Variants in FAM83G observed in about 807,000 individuals in gnomAD.
FAM83G encodes protein FAM83G.
Under a neutral mutation model 61.5 loss-of-function variants are expected in FAM83G, and 38 were observed. The observed-to-expected ratio is 0.62, with a 90% CI of 0.48 to 0.81. The LOEUF (loss-of-function observed/expected upper bound fraction) is 0.81. Among genes scored for constraint, FAM83G ranks in the 30% least tolerant of loss-of-function variants. The pLI, the probability that FAM83G is intolerant of heterozygous loss-of-function variation, is 0.00. For synonymous variants in FAM83G, 470 were observed against 476.1 expected (o/e 0.99, Z 0.17); for missense variants, 989 against 1,133.6 (o/e 0.87, Z 1.83).
rs751981629 is a variant in FAM83G, at chr17:18,971,448, G to A, written c.2383C>T (p.His795Tyr). 6.9e-5 allele frequency: 111 copies of A among 1,613,902 alleles called. No individual in the cohort carries two copies. Among genetic ancestry groups the A allele is most frequent in the Middle Eastern group, 4.9e-4 (3 of 6,062 alleles). ...IPYSKLSQSK[H>Y]LKARTGGSQW... is the part of the protein sequence containing the mutation. The stretch of plus-strand genomic sequence containing the variant: ...CTACCGCCCGTCCTGGCCTTTAGGT[G>A]CTTCGACTGAGACAGTTTGGAGTAT... The change falls in exon 6 of 6, where the codon CAC (histidine) becomes TAC (tyrosine). Residue 795 changes from histidine to tyrosine, a missense_variant. Physicochemically the swap from His to Tyr is moderately conservative, Grantham distance 83 (BLOSUM62 2). Transcript: ENST00000388995. This position sits in a 1 kb window ranked among gnomAD's most constrained non-coding sequence, Gnocchi z 5.5.
chr17:18,976,996 C>A, intron 5 of FAM83G: 1 of 1,611,098 alleles, frequency 6.2e-7, no homozygotes, highest in Non-Finnish European at 8.5e-7. Context: ...CCAGGTAGGA[C>A]GGGCTCCGGG....
At chr17:18,977,231 C>G (rs1170439607) in intron 5 of FAM83G, 1 of 611,312 alleles carries the variant, frequency 1.6e-6, no homozygotes, top group Non-Finnish European at 2.8e-6. Context: ...ATGAACGTCC[C>G]TGTGCCCCGC....
Position 18,970,812 on chromosome 17 carries a change from T to C in FAM83G, c.*547A>G, listed in dbSNP as rs1031323970. On this transcript the variant is annotated 3_prime_UTR_variant, in exon 6 of 6. Coordinates refer to ENST00000388995, the MANE Select transcript of FAM83G (RefSeq NM_001039999.3). ...TTAATAGTATTATTTTAAATACGAATAAAATAGTCATTCAAATACACCTTA... is the reference window on the plus strand; with the variant it reads ...TTAATAGTATTATTTTAAATACGAACAAAATAGTCATTCAAATACACCTTA... 9 of 590,194 alleles carry C rather than the reference T, an allele frequency of 1.5e-5. No homozygotes were observed. Among genetic ancestry groups the C allele is most frequent in the South Asian group, 6.2e-5 (3 of 48,122 alleles). 36.6% of individuals were successfully genotyped at this position (590,194 alleles called of 1,614,324 possible).
At chr17:18,993,428 C>G (rs896227030) in intron 2 of FAM83G, among the ~76,000 whole-genome samples, 1 of 152,190 alleles carries the variant, frequency 6.6e-6, no homozygotes, top group Non-Finnish European at 1.5e-5. Context: ...TCGCAAGACT[C>G]GGGTAAGAGG....
chr17:18,988,459 G>C (rs554281886), intron 2 of FAM83G, 45 bp from the exon 3 acceptor site: 33 of 1,600,830 alleles, frequency 2.1e-5, no homozygotes, highest in Admixed American at 3.3e-5. Context: ...CAGTGCAGCA[G>C]TGGGGACAGG....
At chr17:18,998,836 G>A (rs528892284) in intron 2 of FAM83G, among the ~76,000 whole-genome samples, 4 of 152,328 alleles carry the variant, frequency 2.6e-5, no homozygotes, top group East Asian at 3.9e-4. Context: ...CTGGCAGTGT[G>A]GGGAGCTGTC....
intron 5 of FAM83G, among the ~76,000 whole-genome samples, chr17:18,974,993 T>A (rs2042943936): frequency 6.6e-6 from 1 of 152,188 alleles, no homozygotes; most frequent in Non-Finnish European, 1.5e-5. Flanking sequence ...TCACAGCTCA[T>A]GGAAACTCTG....
In FAM83G at chr17:18,996,512, A is replaced by G. The variant is rs1677029505; in HGVS notation, c.522+7008T>C. Among the ~76,000 whole-genome samples the G allele has an allele frequency of 1.3e-5, 2 of 151,880 alleles. No individual in the cohort carries two copies. Among genetic ancestry groups the G allele is most frequent in the South Asian group, 4.2e-4 (2 of 4,806 alleles). On this transcript the variant is annotated intron_variant, in intron 2 of 5. Coordinates refer to ENST00000388995, the MANE Select transcript of FAM83G (RefSeq NM_001039999.3). The surrounding 1 kb of genome is among the most constrained non-coding windows in gnomAD (Gnocchi z 4.4). ...AATCTCCAAACCAGTTTGCCCATAT[A>G]ATGTCTCTGAAAGTCTGTCACCGAG...
rs111321066 is a variant in FAM83G, at chr17:18,970,752, C to T, written c.*607G>A. ...CCAACAGTGACTCCTGCTGGGCCAG[C>T]GGGACACTGGGGTGCCCATGTGCAA... On this transcript the variant is annotated 3_prime_UTR_variant, in exon 6 of 6. Coordinates refer to ENST00000388995, the MANE Select transcript of FAM83G (RefSeq NM_001039999.3). 4.0e-4 allele frequency: 198 copies of T among 495,310 alleles called. No individual in the cohort carries two copies. The highest frequency in any genetic ancestry group is 3.3e-3 in the African/African-American group (173 of 51,862). 30.7% of individuals were successfully genotyped at this position (495,310 alleles called of 1,614,324 possible).
intron 3 of FAM83G, among the ~76,000 whole-genome samples, chr17:18,987,052 C>T (rs2152128410): frequency 6.6e-6 from 1 of 152,342 alleles, no homozygotes. Flanking sequence ...CTTGAAAGGA[C>T]TCAACCGGAG....
intron 3 of FAM83G, among the ~76,000 whole-genome samples, chr17:18,987,406 A>C (rs1301570647): frequency 6.6e-6 from 1 of 152,232 alleles, no homozygotes; most frequent in African/African-American, 2.4e-5. Context: ...ATGCAAGAGA[A>C]GTATTCGCCG....
At chr17:18,981,579 C>T (rs542854815) in intron 3 of FAM83G, among the ~76,000 whole-genome samples, 1 of 152,260 alleles carries the variant, frequency 6.6e-6, no homozygotes, top group Non-Finnish European at 1.5e-5. Flanking sequence ...AGCCTCCTGC[C>T]CTGCCAGTCC....
At chr17:18,977,069 A>G (rs1413626281) in intron 5 of FAM83G, 2 of 1,574,634 alleles carry the variant, frequency 1.3e-6, no homozygotes, top group East Asian at 2.2e-5. Context: ...CGTCACCAGA[A>G]GAAGAGGCAA....
intron 5 of FAM83G, among the ~76,000 whole-genome samples, chr17:18,975,235 G>A (rs945178788): frequency 1.3e-5 from 2 of 152,248 alleles, no homozygotes; most frequent in African/African-American, 4.8e-5. Flanking sequence ...GTCACAGCAA[G>A]CTGGCAGAGA....
chr17:18,988,456 G>C (rs200759844), intron 2 of FAM83G, 42 bp from the exon 3 acceptor site: 1 of 1,602,050 alleles, frequency 6.2e-7, no homozygotes, highest in South Asian at 1.1e-5. Flanking sequence ...AGACAGTGCA[G>C]CAGTGGGGAC....
chr17:18,984,491 C>T (rs2043218451), intron 3 of FAM83G, among the ~76,000 whole-genome samples: 1 of 152,226 alleles, frequency 6.6e-6, no homozygotes, highest in Non-Finnish European at 1.5e-5. Flanking sequence ...AGCGTGAGGC[C>T]TGAGCGGCAG....
chr17:18,990,736 G>A (rs577112543), intron 2 of FAM83G, among the ~76,000 whole-genome samples: 2 of 152,244 alleles, frequency 1.3e-5, no homozygotes, highest in South Asian at 4.1e-4. Context: ...AGTGCCTAGG[G>A]TGGTCAGAGA....
At position 18,987,666 on chromosome 17, in the gene FAM83G, GT is replaced by G. The variant is rs368523523; in HGVS notation, c.690+580del. On this transcript the variant is annotated intron_variant, in intron 3 of 5. Coordinates refer to ENST00000388995, the MANE Select transcript of FAM83G (RefSeq NM_001039999.3). Reference sequence around the variant, plus strand: ...TTCTCTGATCCACTTCTGTTCCATGGTTTCCCCCACCCCAAAGGTTCTTTCT... The same window carrying G: ...TTCTCTGATCCACTTCTGTTCCATGGTTCCCCCACCCCAAAGGTTCTTTCT... Among the ~76,000 whole-genome samples, 75 of 152,302 alleles carry G rather than the reference GT, an allele frequency of 4.9e-4. 1 individual carries two copies. The highest frequency in any genetic ancestry group is 1.8e-3 in the African/African-American group (73 of 41,572).
intron 3 of FAM83G, among the ~76,000 whole-genome samples, chr17:18,981,866 A>G (rs1057329229): frequency 2.6e-5 from 4 of 152,164 alleles, no homozygotes; most frequent in Admixed American, 1.3e-4. Flanking sequence ...TGTACCCAAC[A>G]TGGAGCACGC....
Sources: gnomAD v4.1 joint callset for allele counts (sites outside exome capture counted in the v4.1 genomes callset) on GRCh38, gnomAD v4.1.1 for gene constraint, Gnocchi (gnomAD v3.1) non-coding constraint, MANE v1.5 for transcripts, NCBI Gene and HGNC (gene_info 2026-07-23, HGNC 2026-07-21) for gene names.